Variants in PCDHGA6 observed in about 807,000 individuals in gnomAD.
The protein encoded by PCDHGA6 is protocadherin gamma subfamily A, 6.
Under a neutral mutation model 60.6 loss-of-function variants are expected in PCDHGA6, and 41 were observed. That is an observed-to-expected ratio of 0.68 (90% CI 0.53 to 0.88). The LOEUF is 0.88. Ranked by LOEUF, PCDHGA6 falls within the 40% of genes least tolerant of loss-of-function variation. The pLI is 0.00. For synonymous variants in PCDHGA6, 594 were observed against 524.4 expected, an observed-to-expected ratio of 1.13 and a Z score of -1.81; for missense variants, 1,312 against 1,203.0, an observed-to-expected ratio of 1.09 and a Z score of -1.34.
intron 1 of PCDHGA6, chr5:141,391,595 T>C (rs1353226414): frequency 6.6e-6 from 1 of 152,188 alleles, no homozygotes; most frequent in Non-Finnish European, 1.5e-5. Flanking sequence ...AAATATAAAG[T>C]TTTCAGATTT....
chr5:141,394,501 T>C (rs768158418), intron 1 of PCDHGA6: 1 of 1,614,216 alleles, frequency 6.2e-7, no homozygotes, highest in Admixed American at 1.7e-5. Context: ...CCCGAGATCC[T>C]GTACCCCGCC....
chr5:141,387,777 C>G, intron 1 of PCDHGA6: 1 of 1,453,750 alleles, frequency 6.9e-7, no homozygotes, highest in Non-Finnish European at 9.2e-7. Context: ...TTTTCTTGAA[C>G]TGGAACTGCA....
At position 141,489,099 on chromosome 5, in the gene PCDHGA6, G is replaced by C; in HGVS notation, c.2425-5708G>C. 5.5e-6 allele frequency: 2 copies of C among 361,982 alleles called. No homozygotes were observed. The highest frequency in any genetic ancestry group is 5.0e-5 in the South Asian group (1 of 19,862). 22.4% of individuals were successfully genotyped at this position (361,982 alleles called of 1,614,324 possible). On this transcript the variant is annotated intron_variant, in intron 1 of 3. Coordinates refer to ENST00000517434, the MANE Select transcript of PCDHGA6 (RefSeq NM_018919.3). The surrounding 1 kb of genome is among the most constrained non-coding windows in gnomAD (Gnocchi z 4.5). Reference sequence around the variant, plus strand: ...CCCCGCCACTCGGTGACTAAGAACTGCTGCAAGCAGGCAAACCTCCGAGCA... The same window carrying C: ...CCCCGCCACTCGGTGACTAAGAACTCCTGCAAGCAGGCAAACCTCCGAGCA...
intron 1 of PCDHGA6, chr5:141,409,412 C>T (rs1261631725): frequency 1.2e-6 from 2 of 1,614,032 alleles, no homozygotes; most frequent in Non-Finnish European, 1.7e-6. Flanking sequence ...CTACTACAAA[C>T]TGGTGACAGA....
At chr5:141,410,739 A>G in intron 1 of PCDHGA6, 1 of 1,303,782 alleles carries the variant, frequency 7.7e-7, no homozygotes. Flanking sequence ...GCTTTTTACA[A>G]TATTTTCTCA....
In PCDHGA6 at chr5:141,490,858, G is replaced by C. The variant is rs775132338; in HGVS notation, c.2425-3949G>C. On this transcript the variant is annotated intron_variant, in intron 1 of 3. Coordinates refer to ENST00000517434, the MANE Select transcript of PCDHGA6 (RefSeq NM_018919.3). The surrounding 1 kb of genome is among the most constrained non-coding windows in gnomAD (Gnocchi z 5.4). ...GATTGTGGTGGGGGTTCGAGACTCC[G>C]GCTCTCCCCCATTGCATGCCAACAC... The C allele has an allele frequency of 1.5e-5, 24 of 1,613,704 alleles. 1 individual carries two copies. Among genetic ancestry groups the C allele is most frequent in the Non-Finnish European group, 2.0e-5 (24 of 1,179,918 alleles).
In PCDHGA6 at chr5:141,511,028, T is replaced by G. The variant is rs1279056657; in HGVS notation, c.2654T>G (p.Leu885Arg). The G allele has an allele frequency of 3.7e-6, 6 of 1,614,084 alleles. No individual in the cohort carries two copies. The highest frequency in any genetic ancestry group is 1.7e-5 in the Admixed American group (1 of 60,004). ...LSARYGPQFT[L>R]QHVPDYRQNV... is the part of the protein sequence containing the mutation. The stretch of plus-strand genomic sequence containing the variant: ...GCCCGCTACGGACCCCAGTTCACCC[T>G]GCAGCACGTGCCCGACTACCGCCAG... Residue 885 changes from leucine to arginine, a missense_variant, in exon 4 of 4, where the codon CTG becomes CGG. Physicochemically the swap from Leu to Arg is moderately radical, Grantham distance 102. Transcript: ENST00000517434.
rs369529373 is a variant in PCDHGA6 at position 141,458,890 on chromosome 5, C to T, written c.2425-35917C>T. Among the ~76,000 whole-genome samples, 87 of 152,160 alleles carry T rather than the reference C, an allele frequency of 5.7e-4. 1 individual carries two copies. In the South Asian group the frequency reaches 0.016, roughly 28 times the overall value. ...TGGGACTACAGGCATGCACACCATG[C>T]GCAGCTAATTTTTTCTATTTTTTGT... On this transcript the variant is annotated intron_variant, in intron 1 of 3. Coordinates refer to ENST00000517434, the MANE Select transcript of PCDHGA6 (RefSeq NM_018919.3).
chr5:141,430,635 T>A, intron 1 of PCDHGA6: 3 of 881,948 alleles, frequency 3.4e-6, no homozygotes, highest in Non-Finnish European at 5.0e-6. Flanking sequence ...GAACCATCCC[T>A]GGGAGTATGT....
chr5:141,406,647 A>G (rs2094834813), intron 1 of PCDHGA6, among the ~76,000 whole-genome samples: 1 of 152,182 alleles, frequency 6.6e-6, no homozygotes, highest in Non-Finnish European at 1.5e-5. Context: ...TAATTTCCTA[A>G]TGCTTTAATG....
intron 1 of PCDHGA6, among the ~76,000 whole-genome samples, chr5:141,462,218 C>T (rs2099034952): frequency 6.6e-6 from 1 of 152,180 alleles, no homozygotes; most frequent in African/African-American, 2.4e-5. Context: ...CCTCGGCCTC[C>T]CAAAGTGCAG....
rs551220443 is a variant in PCDHGA6, at chr5:141,432,206, G to A, written c.2424+55699G>A. On this transcript the variant is annotated intron_variant, in intron 1 of 3. Transcript: ENST00000517434. The surrounding 1 kb of genome is among the most constrained non-coding windows in gnomAD (Gnocchi z 6.0). ...GACCGCCCACGACCCCGACTGTGAA[G>A]AGAACGCCCAGATCACTTATTCCCT... The A allele has an allele frequency of 6.2e-7, 1 of 1,614,096 alleles. No individual in the cohort carries two copies. Among genetic ancestry groups the A allele is most frequent in the Non-Finnish European group, 8.5e-7 (1 of 1,180,042 alleles).
intron 1 of PCDHGA6, chr5:141,421,172 G>A: frequency 7.3e-7 from 1 of 1,366,164 alleles, no homozygotes; most frequent in Non-Finnish European, 9.8e-7. Context: ...AGATACATAA[G>A]CCGATTCACA....
chr5:141,415,247 C>G, intron 1 of PCDHGA6: 1 of 1,614,210 alleles, frequency 6.2e-7, no homozygotes. Context: ...TCTGAAACCT[C>G]AGACCTCACT....
At chr5:141,419,558 C>T (rs560723941) in intron 1 of PCDHGA6, 1 of 1,611,970 alleles carries the variant, frequency 6.2e-7, no homozygotes, top group African/African-American at 1.3e-5. Context: ...GTACCCTGCG[C>T]TGGGTCCCGA....
In PCDHGA6 at chr5:141,477,681, T is replaced by G; in HGVS notation, c.2425-17126T>G. On this transcript the variant is annotated intron_variant, in intron 1 of 3. Transcript: ENST00000517434. This position sits in a 1 kb window ranked among gnomAD's most constrained non-coding sequence, Gnocchi z 4.9. ...CGTGACAATGGCATAGTGTCATCCT[T>G]AGTGCCCCTAGACTATGAGGATCGG... 1 of 1,614,180 alleles carries G rather than the reference T, an allele frequency of 6.2e-7. No individual in the cohort carries two copies. Among genetic ancestry groups the G allele is most frequent in the Non-Finnish European group, 8.5e-7 (1 of 1,180,046 alleles).
At position 141,485,880 on chromosome 5, in the gene PCDHGA6, A is replaced by G; in HGVS notation, c.2425-8927A>G. 1 of 1,614,124 alleles carries G rather than the reference A, an allele frequency of 6.2e-7. No individual in the cohort carries two copies. Among genetic ancestry groups the G allele is most frequent in the Non-Finnish European group, 8.5e-7 (1 of 1,180,026 alleles). On this transcript the variant is annotated intron_variant, in intron 1 of 3. Transcript: ENST00000517434. The surrounding 1 kb of genome is among the most constrained non-coding windows in gnomAD (Gnocchi z 5.7). ...CTCCGGGTATCCGTGCTGGACGTAA[A>G]CGACAACGCCCCAGCCTTCCAGCAA... is the stretch of plus-strand genomic sequence containing the variant.
intron 1 of PCDHGA6, chr5:141,441,116 C>G (rs1358636787): frequency 3.3e-5 from 5 of 152,156 alleles, no homozygotes; most frequent in Non-Finnish European, 7.3e-5. Context: ...GTCCAGTGTA[C>G]AGTTGAGACC....
intron 2 of PCDHGA6, among the ~76,000 whole-genome samples, chr5:141,504,036 G>T (rs1472706342): frequency 6.6e-6 from 1 of 152,080 alleles, no homozygotes; most frequent in African/African-American, 2.4e-5. Flanking sequence ...ACTCATTTAG[G>T]CAACAAATAT....
Sources: gnomAD v4.1 joint callset for allele counts (sites outside exome capture counted in the v4.1 genomes callset) on GRCh38, gnomAD v4.1.1 for gene constraint, Gnocchi (gnomAD v3.1) non-coding constraint, MANE v1.5 for transcripts, NCBI Gene and HGNC (gene_info 2026-07-23, HGNC 2026-07-21) for gene names.